The following CROCC2 variants were observed in gnomAD, a reference collection of about 807,000 sequenced individuals.
CROCC2 encodes the protein ciliary rootlet coiled-coil, rootletin family member 2, also known as ciliary rootlet coiled-coil protein 2.
Under a neutral mutation model 177.6 loss-of-function variants are expected in CROCC2, and 163 were observed. That is an observed-to-expected ratio of 0.92 (90% confidence interval 0.81 to 1.05). The LOEUF is 1.05. Ranked by LOEUF, CROCC2 falls within the 50% of genes least tolerant of loss-of-function variation. The pLI, the probability that CROCC2 is intolerant of heterozygous loss-of-function variation, is 0.00. For missense variants in CROCC2, 1,929 were observed against 1,797.8 expected, an observed-to-expected ratio of 1.07 and a Z score of -1.32; for synonymous variants, 904 against 787.3, an observed-to-expected ratio of 1.15 and a Z score of -2.48.
Position 240,922,587 on chromosome 2 carries a change from C to A in CROCC2, c.430C>A (p.Leu144Met). The A allele has an allele frequency of 1.4e-6, 1 of 693,994 alleles. No individual in the cohort carries two copies. The highest frequency in any genetic ancestry group is 2.7e-6 in the Non-Finnish European group (1 of 371,484). The allele number at this position is 693,994 out of a possible 1,614,324, so 43.0% of individuals were successfully genotyped here. Residue 144 changes from leucine (L) to methionine (M), a missense_variant, in exon 4 of 32, where the codon CTG becomes ATG. Physicochemically the swap from Leu to Met is conservative, Grantham distance 15. Coordinates refer to ENST00000690015, the MANE Select transcript of CROCC2 (RefSeq NM_001351305.2). ...CGAGGCTCAGCTGCGGAGGTCAGAG[C>A]TGGAGCACAGCGTGGATCTGGAGGA... Reference protein sequence around the residue: ...TTEAQLRRSELEHSVDLEEAL... With the variant: ...TTEAQLRRSEMEHSVDLEEAL...
chr2:240,913,563 G>C (rs1443887418), intron 1 of CROCC2, among the ~76,000 whole-genome samples: 2 of 152,202 alleles, frequency 1.3e-5, no homozygotes, highest in Non-Finnish European at 2.9e-5. Context: ...GGAGTGAGAA[G>C]TTGTCTCTCC....
rs2059327887 is a variant in CROCC2, at chr2:240,917,516, C to T, written c.79-1210C>T. On this transcript the variant is annotated intron_variant, in intron 1 of 31. Coordinates refer to ENST00000690015, the MANE Select transcript of CROCC2 (RefSeq NM_001351305.2). This position sits in a 1 kb window ranked among gnomAD's most constrained non-coding sequence, Gnocchi z 4.9. ...CCAAGAGATGGGAGGCAGGAGGCAG[C>T]CAGGTGGTCACCCACGTGGACCCTG... Among the ~76,000 whole-genome samples the T allele has an allele frequency of 6.6e-6, 1 of 152,146 alleles. No individual in the cohort carries two copies. The highest frequency in any genetic ancestry group is 6.5e-5 in the Admixed American group (1 of 15,280).
intron 14 of CROCC2, among the ~76,000 whole-genome samples, chr2:240,945,218 G>A (rs1050263286): frequency 6.6e-6 from 1 of 152,230 alleles, no homozygotes; most frequent in African/African-American, 2.4e-5. Context: ...TTATAGGCGT[G>A]AGCCGCCTCA....
chr2:240,925,038 T>C (rs1233636938), intron 4 of CROCC2, among the ~76,000 whole-genome samples: 2 of 135,140 alleles, frequency 1.5e-5, no homozygotes, highest in Non-Finnish European at 3.2e-5. Context: ...AACCCAGCCC[T>C]GCACAGCAAC....
At chr2:240,964,945 T>C (rs1295929032) in intron 22 of CROCC2, among the ~76,000 whole-genome samples, 3 of 152,126 alleles carry the variant, frequency 2.0e-5, no homozygotes, top group African/African-American at 7.2e-5. Flanking sequence ...GTATCCTACA[T>C]GCAACACCTT....
intron 13 of CROCC2, 110 bp downstream of exon 13, chr2:240,935,172 G>C: frequency 7.8e-7 from 1 of 1,277,270 alleles, no homozygotes; most frequent in Non-Finnish European, 1.0e-6. Context: ...TTCCTCTCCT[G>C]GTTTGAGGTT....
intron 23 of CROCC2, 28 bp from the exon 24 acceptor site, chr2:240,965,608 C>G (rs760630977): frequency 6.5e-7 from 1 of 1,549,868 alleles, no homozygotes; most frequent in Non-Finnish European, 8.7e-7. Flanking sequence ...CTGTCTCCCA[C>G]GGGCGCACCC....
Position 240,964,547 on chromosome 2 carries a change from T to G in CROCC2, c.3387T>G (p.Ser1129Arg), listed in dbSNP as rs2059664258. 1 of 1,549,382 alleles carries G rather than the reference T, an allele frequency of 6.5e-7. No homozygotes were observed. The highest frequency in any genetic ancestry group is 2.4e-5 in the East Asian group (1 of 40,910). The change falls in exon 22 of 32, where the codon AGT becomes AGG. Residue 1129 changes from serine to arginine, a missense_variant. Transcript: ENST00000690015. ...EAQAALQQEA[S>R]ALRAHLWELE... is the part of the protein sequence containing the mutation. ...AGGCGGCGTTGCAGCAGGAGGCCAG[T>G]GCACTGCGGGCCCACCTGTGGGAGC...
At chr2:240,914,686 T>C (rs1294689870) in intron 1 of CROCC2, among the ~76,000 whole-genome samples, 1 of 152,140 alleles carries the variant, frequency 6.6e-6, no homozygotes, top group Non-Finnish European at 1.5e-5. Flanking sequence ...TGACCCAGGC[T>C]GACCGAGGAG....
chr2:240,934,246 T>C (rs912771076), intron 11 of CROCC2, 85 bp from the exon 12 acceptor site: 1 of 1,445,346 alleles, frequency 6.9e-7, no homozygotes, highest in East Asian at 2.5e-5. Flanking sequence ...TTGGAGGGAG[T>C]TGCAGGTGGT....
At chr2:240,930,405 A>C (rs2059421070) in intron 6 of CROCC2, 136 bp downstream of exon 6, 5 of 427,688 alleles carry the variant, frequency 1.2e-5, no homozygotes. Context: ...CTTCTCACCC[A>C]GCCCTGGCTG....
Position 240,959,609 on chromosome 2 carries a change from G to T in CROCC2, c.3087+165G>T, listed in dbSNP as rs73006099. 8.8e-3 allele frequency: 8,040 copies of T among 910,000 alleles called. 48 individuals carry two copies. Among genetic ancestry groups the T allele is most frequent in the Non-Finnish European group, 0.011 (7,077 of 626,918 alleles). 56.4% of individuals were successfully genotyped at this position (910,000 alleles called of 1,614,324 possible). ...TAGGAAGAGGCAAACAGCCATAGGGGCATGGGACAAGGGGCCCTCACACCA... is the reference window on the plus strand; with the variant it reads ...TAGGAAGAGGCAAACAGCCATAGGGTCATGGGACAAGGGGCCCTCACACCA... On this transcript the variant is annotated intron_variant, in intron 20 of 31. Coordinates refer to ENST00000690015, the MANE Select transcript of CROCC2 (RefSeq NM_001351305.2).
intron 27 of CROCC2, among the ~76,000 whole-genome samples, chr2:240,975,110 T>C (rs1174008706): frequency 6.6e-6 from 1 of 152,252 alleles, no homozygotes; most frequent in African/African-American, 2.4e-5. Flanking sequence ...GACAAACTGA[T>C]TGCAAAGTTT....
Position 240,918,737 on chromosome 2 carries a change from C to A in CROCC2, c.90C>A (p.Asp30Glu). ...GGGGTGTCTTTCAGAGACTGGAGGA[C>A]ACCATCCTGAGTCCCACAGCCAGCA... ...GLDTVIQRLE[D>E]TILSPTASRE... The change falls in exon 2 of 32, where the codon GAC becomes GAA. Residue 30 changes from aspartate to glutamate, a missense_variant. Physicochemically the swap from Asp to Glu is conservative, Grantham distance 45. Coordinates refer to ENST00000690015, the MANE Select transcript of CROCC2 (RefSeq NM_001351305.2). This position sits in a 1 kb window ranked among gnomAD's most constrained non-coding sequence, Gnocchi z 6.3. 1 of 574,558 alleles carries A rather than the reference C, an allele frequency of 1.7e-6. No individual in the cohort carries two copies. Among genetic ancestry groups the A allele is most frequent in the Non-Finnish European group, 3.2e-6 (1 of 317,250 alleles). The allele number at this position is 574,558 out of a possible 1,614,324, so 35.6% of individuals were successfully genotyped here.
intron 21 of CROCC2, chr2:240,964,166 A>T (rs1455137177): frequency 1.9e-6 from 1 of 536,214 alleles, no homozygotes; most frequent in Admixed American, 3.2e-5. Flanking sequence ...TGGCAGAGGT[A>T]CCAGGCTAGG....
rs369090055 is a variant in CROCC2 at position 240,969,495 on chromosome 2, C to A, written c.4401+1233C>A. Among the ~76,000 whole-genome samples, 13 of 152,340 alleles carry A rather than the reference C, an allele frequency of 8.5e-5. No individual in the cohort carries two copies. The South Asian group carries it at 2.7e-3, about 32-fold the overall frequency. Reference sequence around the variant, plus strand: ...TTTGGAAAGACCCTTCTGGTGACAGCTGCTGGGGCAGTAAGACTAGAGACG... The same window carrying A: ...TTTGGAAAGACCCTTCTGGTGACAGATGCTGGGGCAGTAAGACTAGAGACG... On this transcript the variant is annotated intron_variant, in intron 27 of 31. Coordinates refer to ENST00000690015, the MANE Select transcript of CROCC2 (RefSeq NM_001351305.2).
chr2:240,958,612 TG>T lies in CROCC2; in HGVS notation c.2944-687del. The stretch of plus-strand genomic sequence containing the variant: ...AGCCGCCTGCTGCTGCCTGGAGGCT[TG>T]GTCCAGTCCCCTGAACCCAGGGGTG... On this transcript the variant is annotated intron_variant, in intron 19 of 31. Transcript: ENST00000690015. This position sits in a 1 kb window ranked among gnomAD's most constrained non-coding sequence, Gnocchi z 6.7. The T allele has an allele frequency of 4.1e-6, 4 of 984,908 alleles. No homozygotes were observed. Among genetic ancestry groups the T allele is most frequent in the Non-Finnish European group, 4.8e-6 (4 of 829,502 alleles). The allele number at this position is 984,908 out of a possible 1,614,324, so 61.0% of individuals were successfully genotyped here. A position where few individuals can be genotyped will look rare whatever the true frequency, so the allele number is the denominator to read the frequency against.
intron 1 of CROCC2, among the ~76,000 whole-genome samples, chr2:240,910,306 G>T (rs1022593537): frequency 6.9e-6 from 1 of 144,440 alleles, no homozygotes; most frequent in Admixed American, 7.0e-5. Flanking sequence ...GAAGCATGGC[G>T]CAGAGTCCCG....
intron 31 of CROCC2, among the ~76,000 whole-genome samples, chr2:240,992,076 C>T (rs1331920066): frequency 6.6e-6 from 1 of 152,232 alleles, no homozygotes; most frequent in African/African-American, 2.4e-5. Context: ...GGGAACGGTC[C>T]TGTGGGACTC....
Sources: gnomAD v4.1 joint callset for allele counts (sites outside exome capture counted in the v4.1 genomes callset) on GRCh38, gnomAD v4.1.1 for gene constraint, Gnocchi (gnomAD v3.1) non-coding constraint, MANE v1.5 for transcripts, NCBI Gene and HGNC (gene_info 2026-07-23, HGNC 2026-07-21) for gene names.